Variants in NBPF26 observed in about 807,000 individuals in gnomAD.
The protein encoded by NBPF26 is NBPF member 26.
In NBPF26, 79 loss-of-function variants were observed where a neutral mutation model predicts 119.6. The ratio of observed to expected loss-of-function variants is 0.66; its 90% CI spans 0.55 to 0.80. The LOEUF (loss-of-function observed/expected upper bound fraction) is 0.80. Ranked by LOEUF, NBPF26 falls within the 30% of genes least tolerant of loss-of-function variation. The pLI, the probability that NBPF26 is intolerant of heterozygous loss-of-function variation, is 0.00. For synonymous variants in NBPF26, 299 were observed against 457.7 expected (o/e 0.65, Z 4.43); for missense variants, 800 against 1,198.2 (o/e 0.67, Z 4.91).
At position 120,829,753 on chromosome 1, in the gene NBPF26, A is replaced by G. The variant is rs1313811138; in HGVS notation, c.2813-11A>G. The stretch of plus-strand genomic sequence containing the variant: ...GCTTAATATATCTGTCCATGTCTGA[A>G]CTTATTGCAGAAATTGAAAAGTACC... On this transcript the variant is annotated splice_polypyrimidine_tract_variant and intron_variant, in intron 18 of 29. Transcript: ENST00000620612. 9.1e-5 allele frequency: 75 copies of G among 823,742 alleles called. 22 individuals carry two copies. The African/African-American group carries it at 1.9e-3, about 21-fold the overall frequency. The allele number at this position is 823,742 out of a possible 1,614,324, so 51.0% of individuals were successfully genotyped here. A position where few individuals can be genotyped will look rare whatever the true frequency, so the allele number is the denominator to read the frequency against.
rs1650984928 is a variant in NBPF26 at position 120,745,986 on chromosome 1, C to A, written c.74-17642C>A. Among the ~76,000 whole-genome samples, 3 of 18,772 alleles carry A rather than the reference C, an allele frequency of 1.6e-4. 1 individual carries two copies. In the South Asian group the frequency reaches 4.0e-3, roughly 25 times the overall value. 12.3% of individuals were successfully genotyped at this position (18,772 alleles called of 152,430 possible). On this transcript the variant is annotated intron_variant, in intron 1 of 29. Transcript: ENST00000620612. ...GATGTTGGCTTACCACAACCTCCAC[C>A]TCCCAGGCTCAAGCGATTCTCCTGC...
At position 120,805,007 on chromosome 1, in the gene NBPF26, T is replaced by C. The variant is rs1264506812; in HGVS notation, c.752-549T>C. On this transcript the variant is annotated intron_variant, in intron 4 of 29. Transcript: ENST00000620612. Reference sequence around the variant, plus strand: ...AGGTGGGGTGACTTCATGACTACCATTAAGAAAATATAACCTGTTGGGAAA... The same window carrying C: ...AGGTGGGGTGACTTCATGACTACCACTAAGAAAATATAACCTGTTGGGAAA... Among the ~76,000 whole-genome samples the C allele has an allele frequency of 5.8e-4, 69 of 118,860 alleles. 12 individuals carry two copies. 78.0% of individuals were successfully genotyped at this position (118,860 alleles called of 152,430 possible). A position where few individuals can be genotyped will look rare whatever the true frequency, so the allele number is the denominator to read the frequency against.
chr1:120,755,570 A>AT lies in NBPF26; in HGVS notation c.74-8049dup, dbSNP rs1196827541. On this transcript the variant is annotated intron_variant, in intron 1 of 29. Coordinates refer to ENST00000620612, the Ensembl canonical transcript of NBPF26. ...CAATATAGCACAGCAAACACTGATG[A>AT]TTTTTTTTTGCAATAAGTTCAATAT... Among the ~76,000 whole-genome samples, 2 of 82,592 alleles carry AT rather than the reference A, an allele frequency of 2.4e-5. 1 individual carries two copies. The highest frequency in any genetic ancestry group is 5.8e-4 in the East Asian group (2 of 3,444). The allele number at this position is 82,592 out of a possible 152,430, so 54.2% of individuals were successfully genotyped here.
rs1651661223 is a variant in NBPF26, at chr1:120,805,551, C to T, written c.752-5C>T. 5.1e-6 allele frequency: 7 copies of T among 1,359,550 alleles called. 3 individuals carry two copies. In the African/African-American group the frequency reaches 1.5e-4, roughly 29 times the overall value. The allele number at this position is 1,359,550 out of a possible 1,614,324, so 84.2% of individuals were successfully genotyped here. On this transcript the variant is annotated splice_region_variant and splice_polypyrimidine_tract_variant and intron_variant, in intron 4 of 29. Transcript: ENST00000620612. ...CCATCATATGTTTGGGTTTCTTCTCCCCAGTCCCTGACTCCACCTCTTCTG... is the reference window on the plus strand; with the variant it reads ...CCATCATATGTTTGGGTTTCTTCTCTCCAGTCCCTGACTCCACCTCTTCTG...
chr1:120,808,040 C>T (rs1209114196), intron 6 of NBPF26, among the ~76,000 whole-genome samples: 3 of 120,920 alleles, frequency 2.5e-5, no homozygotes, highest in Non-Finnish European at 5.0e-5. Context: ...CCCCACTTAC[C>T]CTTAGTGAGA....
In NBPF26 at chr1:120,790,615, T is replaced by C. The variant is rs1417631875; in HGVS notation, c.416-2546T>C. 8.4e-4 allele frequency among the ~76,000 whole-genome samples: 91 copies of C among 107,712 alleles called. 27 individuals carry two copies. The highest frequency in any genetic ancestry group is 4.9e-3 in the African/African-American group (83 of 16,952). 70.7% of individuals were successfully genotyped at this position (107,712 alleles called of 152,430 possible). A position where few individuals can be genotyped will look rare whatever the true frequency, so the allele number is the denominator to read the frequency against. On this transcript the variant is annotated intron_variant, in intron 3 of 29. Coordinates refer to ENST00000620612, the Ensembl canonical transcript of NBPF26. ...TTCTCTTTCTCTCTCTTTCCCTCTC[T>C]CTTTCTGTCTTTCTTTCTTCTCACT...
intron 1 of NBPF26, among the ~76,000 whole-genome samples, 168 bp from the exon 2 acceptor site, chr1:120,763,460 G>A (rs1396613819): frequency 2.8e-5 from 3 of 107,080 alleles, no homozygotes; most frequent in African/African-American, 6.0e-5. Context: ...ATAGTTTTGG[G>A]ATGGGCTTCT....
chr1:120,838,461 T>A (rs1214883392), intron 27 of NBPF26, among the ~76,000 whole-genome samples: 2 of 55,424 alleles, frequency 3.6e-5, no homozygotes, highest in African/African-American at 1.7e-4. Context: ...CCCTCATCAG[T>A]GTGTCACCTG....
At chr1:120,805,041 G>T (rs1338804468) in intron 4 of NBPF26, among the ~76,000 whole-genome samples, 1 of 120,792 alleles carries the variant, frequency 8.3e-6, no homozygotes, top group Non-Finnish European at 1.6e-5. Flanking sequence ...AACTGTTTCT[G>T]CCTTGATGAT....
At chr1:120,765,138 C>A (rs1439891600) in intron 2 of NBPF26, among the ~76,000 whole-genome samples, 1 of 120,286 alleles carries the variant, frequency 8.3e-6, no homozygotes, top group East Asian at 2.0e-4. Context: ...TTATTATGAG[C>A]TGCTCATTTA....
chr1:120,793,354 T>C, exon 4 of NBPF26: 1 of 1,422,122 alleles, frequency 7.0e-7, no homozygotes, highest in Non-Finnish European at 9.4e-7. Context: ...ACCTGCCTGG[T>C]TCCTACCAGT....
intron 2 of NBPF26, among the ~76,000 whole-genome samples, chr1:120,777,922 G>A (rs1438721445): frequency 1.0e-5 from 1 of 95,548 alleles, no homozygotes; most frequent in East Asian, 2.7e-4. Context: ...CAATAGGTGG[G>A]TTAGGCCTCC....
At position 120,791,378 on chromosome 1, in the gene NBPF26, C is replaced by A. The variant is rs1651492166; in HGVS notation, c.416-1783C>A. Among the ~76,000 whole-genome samples the A allele has an allele frequency of 1.9e-5, 2 of 107,490 alleles. 1 individual carries two copies. Among genetic ancestry groups the A allele is most frequent in the African/African-American group, 1.2e-4 (2 of 16,532 alleles). 70.5% of individuals were successfully genotyped at this position (107,490 alleles called of 152,430 possible). ...TTTATTGCGGCACTATTCACAATAG[C>A]AAAGAGTTGGAACCAGCCCAAATGT... is the stretch of plus-strand genomic sequence containing the variant. On this transcript the variant is annotated intron_variant, in intron 3 of 29. Transcript: ENST00000620612.
chr1:120,840,331 G>A lies in NBPF26; in HGVS notation c.4104-19G>A. 2.1e-6 allele frequency: 3 copies of A among 1,444,322 alleles called. 1 individual carries two copies. Among genetic ancestry groups the A allele is most frequent in the Non-Finnish European group, 9.2e-7 (1 of 1,082,586 alleles). The allele number at this position is 1,444,322 out of a possible 1,614,324, so 89.5% of individuals were successfully genotyped here. A position where few individuals can be genotyped will look rare whatever the true frequency, so the allele number is the denominator to read the frequency against. On this transcript the variant is annotated intron_variant, in intron 29 of 29. Coordinates refer to ENST00000620612, the Ensembl canonical transcript of NBPF26. ...CCGATTTTCCCTGGCTGCTTCTTTA[G>A]TTTTGTCTCCTTTTGCAGGCTCAAC...
In NBPF26 at chr1:120,832,389, G is replaced by A. The variant is rs1320005100; in HGVS notation, c.3262+229G>A. Among the ~76,000 whole-genome samples, 3 of 103,604 alleles carry A rather than the reference G, an allele frequency of 2.9e-5. No homozygotes were observed. The East Asian group carries it at 7.6e-4, about 26-fold the overall frequency. 68.0% of individuals were successfully genotyped at this position (103,604 alleles called of 152,430 possible). A position where few individuals can be genotyped will look rare whatever the true frequency, so the allele number is the denominator to read the frequency against. ...TCTCAGGCCATACCTGTGGCGCCCTGATCCTGTTCTCATGACATTGGACCT... is the reference window on the plus strand; with the variant it reads ...TCTCAGGCCATACCTGTGGCGCCCTAATCCTGTTCTCATGACATTGGACCT... On this transcript the variant is annotated intron_variant, in intron 22 of 29. Coordinates refer to ENST00000620612, the Ensembl canonical transcript of NBPF26.
Position 120,816,932 on chromosome 1 carries a change from A to T in NBPF26, c.2371+105A>T, listed in dbSNP as rs1310450141. ...AAATTCATTTGAATAAAAAACTGTG[A>T]TGGGTTTCTAAACAGATATCAGGGA... is the stretch of plus-strand genomic sequence containing the variant. On this transcript the variant is annotated intron_variant, in intron 14 of 29. Transcript: ENST00000620612. 1.6e-5 allele frequency: 18 copies of T among 1,134,260 alleles called. 5 individuals are homozygous for T. The African/African-American group carries it at 2.8e-4, about 17-fold the overall frequency. 70.3% of individuals were successfully genotyped at this position (1,134,260 alleles called of 1,614,324 possible).
At chr1:120,770,248 C>T (rs1441763543) in intron 2 of NBPF26, among the ~76,000 whole-genome samples, 1 of 104,160 alleles carries the variant, frequency 9.6e-6, no homozygotes, top group South Asian at 2.9e-4. Flanking sequence ...TGGCTCACTG[C>T]AAGCTCCGCC....
Position 120,816,763 on chromosome 1 carries a change from C to T in NBPF26, c.2307C>T (p.Val769=), listed in dbSNP as rs1553271803. ...AAATCACATTTGAGGAAGACAAAGTCGACTCAACTCTCATTGGCTCATCCT... is the reference window on the plus strand; with the variant it reads ...AAATCACATTTGAGGAAGACAAAGTTGACTCAACTCTCATTGGCTCATCCT... Residue 769 remains valine, a synonymous_variant, in exon 14 of 30, where the codon GTC becomes GTT. Coordinates refer to ENST00000620612, the Ensembl canonical transcript of NBPF26. 9.5e-5 allele frequency: 134 copies of T among 1,406,374 alleles called. 35 individuals are homozygous for T. The African/African-American group carries it at 1.7e-3, about 18-fold the overall frequency. The allele number at this position is 1,406,374 out of a possible 1,614,324, so 87.1% of individuals were successfully genotyped here.
exon 5 of NBPF26, chr1:120,805,714 T>C: frequency 1.4e-6 from 2 of 1,453,020 alleles, no homozygotes; most frequent in East Asian, 2.3e-5. Context: ...CAAAGAGAAA[T>C]GTTTTCTAAC....
Sources: gnomAD v4.1 joint callset for allele counts (sites outside exome capture counted in the v4.1 genomes callset) on GRCh38, gnomAD v4.1.1 for gene constraint, MANE v1.5 for transcripts, NCBI Gene and HGNC (gene_info 2026-07-23, HGNC 2026-07-21) for gene names.